The following YTHDC2 variants were observed in gnomAD, a reference collection of about 807,000 sequenced individuals.
YTHDC2 encodes the protein YTH N6-methyladenosine RNA binding protein C2.
A neutral mutation model predicts 174.9 loss-of-function variants in YTHDC2; 45 were observed. The ratio of observed to expected loss-of-function variants is 0.26; its 90% CI spans 0.20 to 0.33. The LOEUF is 0.33. YTHDC2 is among the 10% of genes least tolerant of loss of function. The pLI, the probability that YTHDC2 is intolerant of heterozygous loss-of-function variation, is 1.00. For synonymous variants in YTHDC2, 657 were observed against 574.5 expected (o/e 1.14, Z -2.05); for missense variants, 1,650 against 1,723.7 (o/e 0.96, Z 0.76).
In YTHDC2 at chr5:113,593,466, T is replaced by C; in HGVS notation, c.*8-16T>C. On this transcript the variant is annotated splice_polypyrimidine_tract_variant and intron_variant, in intron 29 of 29. Transcript: ENST00000161863. ...CCTTTCAGATTATTTATCTTTTTTT[T>C]TCCCCTTTCTTCTAGAACTCTTAGC... The C allele has an allele frequency of 2.5e-6, 3 of 1,177,632 alleles. No homozygotes were observed. The highest frequency in any genetic ancestry group is 3.6e-6 in the Non-Finnish European group (3 of 822,520). The allele number at this position is 1,177,632 out of a possible 1,614,324, so 72.9% of individuals were successfully genotyped here.
At position 113,549,092 on chromosome 5, in the gene YTHDC2, C is replaced by G. The variant is rs556990378; in HGVS notation, c.1688+72C>G. On this transcript the variant is annotated intron_variant, in intron 12 of 29. Transcript: ENST00000161863. The stretch of plus-strand genomic sequence containing the variant: ...AGAGCTTCACCATATAAATTATGGG[C>G]TATTCAAATGTAGACCATTTATAGT... 115 of 1,310,598 alleles carry G rather than the reference C, an allele frequency of 8.8e-5. No homozygotes were observed. The African/African-American group carries it at 1.5e-3, about 17-fold the overall frequency. 81.2% of individuals were successfully genotyped at this position (1,310,598 alleles called of 1,614,324 possible). A position where few individuals can be genotyped will look rare whatever the true frequency, so the allele number is the denominator to read the frequency against.
chr5:113,548,171 AATTAT>A (rs1366686305), intron 10 of YTHDC2, among the ~76,000 whole-genome samples: 1 of 152,218 alleles, frequency 6.6e-6, no homozygotes, highest in Non-Finnish European at 1.5e-5. Context: ...TAAATTATTT[AATTAT>A]GTCTTGTCAT....
intron 12 of YTHDC2, among the ~76,000 whole-genome samples, chr5:113,550,041 G>A (rs1281010252): frequency 1.3e-5 from 2 of 151,916 alleles, no homozygotes; most frequent in East Asian, 1.9e-4. Context: ...TGCTTCCTAT[G>A]TACTCCTTTA....
At chr5:113,540,929 T>C in intron 8 of YTHDC2, 39 bp from the exon 9 acceptor site, 1 of 1,570,664 alleles carries the variant, frequency 6.4e-7, no homozygotes, top group Non-Finnish European at 8.7e-7. Context: ...AAAAAGGAAA[T>C]GATTTGTCTA....
chr5:113,579,781 C>T (rs1778286958), intron 24 of YTHDC2, 86 bp downstream of exon 24: 2 of 1,368,956 alleles, frequency 1.5e-6, no homozygotes, highest in Non-Finnish European at 1.9e-6. Context: ...TTTTTCTTTA[C>T]TATTGAGCCC....
chr5:113,547,252 A>G (rs1453564557), intron 10 of YTHDC2, among the ~76,000 whole-genome samples: 1 of 152,236 alleles, frequency 6.6e-6, no homozygotes, highest in Non-Finnish European at 1.5e-5. Flanking sequence ...TAATTTGCAT[A>G]CAATGAGTAC....
intron 2 of YTHDC2, among the ~76,000 whole-genome samples, chr5:113,523,570 T>G (rs1344769139): frequency 6.6e-6 from 1 of 152,126 alleles, no homozygotes; most frequent in Non-Finnish European, 1.5e-5. Flanking sequence ...AACTTCTAGA[T>G]CAGGTTAAAT....
At chr5:113,531,559 A>G (rs1334350368) in intron 4 of YTHDC2, among the ~76,000 whole-genome samples, 2 of 152,064 alleles carry the variant, frequency 1.3e-5, no homozygotes, top group African/African-American at 4.8e-5. Flanking sequence ...CTCAGCTTTT[A>G]AGAGAATTCA....
chr5:113,515,817 G>A (rs566302844), intron 2 of YTHDC2, among the ~76,000 whole-genome samples: 22 of 152,308 alleles, frequency 1.4e-4, no homozygotes, highest in African/African-American at 5.1e-4. Flanking sequence ...TGAACTTGTA[G>A]GTGCAGTAAA....
At chr5:113,585,279 TGTAATA>T (rs1350201991) in intron 26 of YTHDC2, among the ~76,000 whole-genome samples, 1 of 152,076 alleles carries the variant, frequency 6.6e-6, no homozygotes, top group Non-Finnish European at 1.5e-5. Flanking sequence ...TAAAAAAACT[TGTAATA>T]AGAATAATTT....
chr5:113,548,500 C>G (rs4444963), intron 10 of YTHDC2, 41 bp from the exon 11 acceptor site: 834,222 of 1,551,720 alleles, frequency 0.54, 232,890 homozygotes, highest in African/African-American at 0.91. Flanking sequence ...GTTTGAAGTA[C>G]TTTGGAAATT....
intron 17 of YTHDC2, among the ~76,000 whole-genome samples, chr5:113,557,771 GC>G (rs1266258639): frequency 2.0e-5 from 3 of 152,160 alleles, no homozygotes; most frequent in Admixed American, 6.5e-5. Flanking sequence ...CTCTACTCCA[GC>G]CGGAGCGACA....
chr5:113,561,789 T>A (rs917605155), intron 18 of YTHDC2, among the ~76,000 whole-genome samples: 1 of 152,020 alleles, frequency 6.6e-6, no homozygotes, highest in African/African-American at 2.4e-5. Context: ...ATGCAGCATT[T>A]TATGAGTTTC....
rs140622373 is a variant in YTHDC2 at position 113,534,290 on chromosome 5, CT to C, written c.843-6del. ...ACTTGCAATTGTGCACTTTGTTTTG[CT>C]TTTTTTTTAAAAGGGTTTCTCCAAA... On this transcript the variant is annotated splice_polypyrimidine_tract_variant and intron_variant, in intron 5 of 29. Transcript: ENST00000161863. 1.0e-4 allele frequency: 162 copies of C among 1,582,158 alleles called. No homozygotes were observed. The highest frequency in any genetic ancestry group is 1.7e-4 in the Middle Eastern group (1 of 5,990).
chr5:113,542,798 T>G (rs1775580050), intron 10 of YTHDC2, among the ~76,000 whole-genome samples: 1 of 152,202 alleles, frequency 6.6e-6, no homozygotes, highest in Non-Finnish European at 1.5e-5. Context: ...GTTGTGTATA[T>G]ACTCTTGTCT....
chr5:113,515,311 C>A lies in YTHDC2; in HGVS notation c.227C>A (p.Ala76Asp). The change falls in exon 2 of 30, where the codon GCC becomes GAC. Residue 76 changes from alanine (A) to aspartate (D), a missense_variant. Ala to Asp is a moderately radical substitution (Grantham distance 126, BLOSUM62 -2). Around this residue, in one of 5 missense-constraint regions of YTHDC2, gnomAD observed 304 missense variants for 341.4 expected, o/e 0.89. Transcript: ENST00000161863. ...FPSSLTSTER[A>D]FIHRLSQSLG... The stretch of plus-strand genomic sequence containing the variant: ...TCTTCTTTGACCAGTACTGAAAGAG[C>A]CTTTATTCATCGACTCAGTCAGTCT... The A allele has an allele frequency of 6.2e-7, 1 of 1,612,646 alleles. No homozygotes were observed. The highest frequency in any genetic ancestry group is 1.3e-5 in the African/African-American group (1 of 74,930).
chr5:113,567,868 T>C lies in YTHDC2; in HGVS notation c.3244+19T>C. On this transcript the variant is annotated intron_variant, in intron 23 of 29. Transcript: ENST00000161863. ...TTTAGAGGTAAATGTATTAAGGAAA[T>C]AAAAATCTATTTGAAATGAATTTTT... The C allele has an allele frequency of 6.9e-7, 1 of 1,456,168 alleles. No individual in the cohort carries two copies. Among genetic ancestry groups the C allele is most frequent in the Middle Eastern group, 1.8e-4 (1 of 5,508 alleles). The allele number at this position is 1,456,168 out of a possible 1,614,324, so 90.2% of individuals were successfully genotyped here. A position where few individuals can be genotyped will look rare whatever the true frequency, so the allele number is the denominator to read the frequency against.
chr5:113,582,769 T>C (rs1389263174), intron 25 of YTHDC2: 2 of 152,158 alleles, frequency 1.3e-5, no homozygotes, highest in African/African-American at 4.8e-5. Context: ...ATATAAAGGC[T>C]TAATATCATT....
intron 24 of YTHDC2, among the ~76,000 whole-genome samples, chr5:113,580,185 C>T (rs962339959): frequency 1.3e-5 from 2 of 152,020 alleles, no homozygotes; most frequent in Non-Finnish European, 2.9e-5. Flanking sequence ...CTCAATCACC[C>T]CTCAAAGGCC....
Sources: allele counts gnomAD v4.1 joint callset (sites outside exome capture counted in the v4.1 genomes callset), GRCh38; gene constraint gnomAD v4.1.1; regional missense constraint gnomAD v4.1.1; transcripts MANE v1.5; gene names NCBI Gene and HGNC (gene_info 2026-07-23, HGNC 2026-07-21).